Variants in CD163 observed in about 807,000 individuals in gnomAD.
CD163 encodes CD163 molecule, also known as scavenger receptor cysteine-rich type 1 protein M130.
Under a neutral mutation model 129.2 loss-of-function variants are expected in CD163, and 64 were observed. The ratio of observed to expected loss-of-function variants is 0.50; its 90% CI spans 0.41 to 0.61. The LOEUF is 0.61. Ranked by LOEUF, CD163 falls within the 20% of genes least tolerant of loss-of-function variation. CD163 has a pLI of 0.00. For synonymous variants in CD163, 446 were observed against 478.5 expected, an observed-to-expected ratio of 0.93 and a Z score of 0.89; for missense variants, 1,061 against 1,377.9, an observed-to-expected ratio of 0.77 and a Z score of 3.64.
At chr12:7,495,908 A>T (rs1949393101) in intron 5 of CD163, among the ~76,000 whole-genome samples, 1 of 152,186 alleles carries the variant, frequency 6.6e-6, no homozygotes. Context: ...ATTATGGAAG[A>T]CAGTGTGGTG....
In CD163 at chr12:7,496,891, C is replaced by T. The variant is rs561608348; in HGVS notation, c.1021G>A (p.Ala341Thr). Residue 341 changes from alanine (A) to threonine (T), a missense_variant, in exon 5 of 17, where the codon GCT (alanine) becomes ACT (threonine). Transcript: ENST00000432237. The surrounding 1 kb of genome is among the most constrained non-coding windows in gnomAD (Gnocchi z 4.8). ...TCATGGTGTTTACATTGCCAGATAG[C>T]AGGTTCATGTCCCTGGCAAGAAACG... ...DSVSCQGHEPAIWQCKHHEWG... is the reference protein window; with the variant it reads ...DSVSCQGHEPTIWQCKHHEWG... 1.9e-6 allele frequency: 3 copies of T among 1,613,826 alleles called. No individual in the cohort carries two copies. The highest frequency in any genetic ancestry group is 1.1e-5 in the South Asian group (1 of 91,080).
In CD163 at chr12:7,487,030, A is replaced by T; in HGVS notation, c.2051-44T>A. ...TCAGTCATACAAGACACAAAAGGTT[A>T]GGGGAGTCAGATGAAATGTTATATG... is the stretch of plus-strand genomic sequence containing the variant. On this transcript the variant is annotated intron_variant, in intron 8 of 16. Transcript: ENST00000432237. This position sits in a 1 kb window ranked among gnomAD's most constrained non-coding sequence, Gnocchi z 5.1. The T allele has an allele frequency of 2.7e-6, 4 of 1,469,408 alleles. No homozygotes were observed. Among genetic ancestry groups the T allele is most frequent in the Non-Finnish European group, 3.8e-6 (4 of 1,053,246 alleles). The allele number at this position is 1,469,408 out of a possible 1,614,324, so 91.0% of individuals were successfully genotyped here.
At chr12:7,482,491 A>T in intron 14 of CD163, 152 bp downstream of exon 14, 1 of 790,438 alleles carries the variant, frequency 1.3e-6, no homozygotes, top group Non-Finnish European at 2.0e-6. Context: ...AGTGTGAGCC[A>T]CTGTGCCTGG....
chr12:7,475,443 T>A (rs1170698566), intron 16 of CD163, among the ~76,000 whole-genome samples: 1 of 152,168 alleles, frequency 6.6e-6, no homozygotes, highest in East Asian at 1.9e-4. Flanking sequence ...CATATGTAAA[T>A]CAATAAACGT....
Position 7,483,536 on chromosome 12 carries a change from A to G in CD163, c.2919T>C (p.Gly973=). Residue 973 remains glycine, a synonymous_variant, in exon 12 of 17, where the codon GGT becomes GGC. Transcript: ENST00000432237. ...AQVVCQQLGC[G]PALKAFKEAE... ...CTTCTTTGAATGCTTTCAAAGCTGG[A>G]CCACAGCCAAGTTGTTGACACACCA... 1 of 1,613,918 alleles carries G rather than the reference A, an allele frequency of 6.2e-7. No homozygotes were observed. Among genetic ancestry groups the G allele is most frequent in the East Asian group, 2.2e-5 (1 of 44,842 alleles).
chr12:7,483,841 AT>A (rs200359960), intron 11 of CD163, 166 bp from the exon 12 acceptor site: 5,962 of 109,518 alleles, frequency 0.054, 170 homozygotes, highest in East Asian at 0.24. Context: ...ATATATATAT[AT>A]TTTTTTTTTT....
intron 6 of CD163, among the ~76,000 whole-genome samples, chr12:7,489,385 T>C (rs183849008): frequency 1.3e-5 from 2 of 152,238 alleles, no homozygotes; most frequent in Admixed American, 6.5e-5. Flanking sequence ...TATTAATAAA[T>C]TTCAAATATT....
chr12:7,478,817 G>C (rs1226640204), intron 16 of CD163, among the ~76,000 whole-genome samples: 1 of 151,498 alleles, frequency 6.6e-6, no homozygotes, highest in Non-Finnish European at 1.5e-5. Flanking sequence ...ATGAATTATA[G>C]GAATATATAA....
intron 14 of CD163, 89 bp downstream of exon 14, chr12:7,482,554 C>G (rs1942177231): frequency 1.4e-6 from 2 of 1,409,874 alleles, no homozygotes; most frequent in African/African-American, 1.4e-5. Flanking sequence ...GTCCATCTTT[C>G]TGGCCATTAG....
Position 7,476,202 on chromosome 12 carries a change from A to G in CD163, c.*31+3658T>C, listed in dbSNP as rs763355547. 9.2e-5 allele frequency among the ~76,000 whole-genome samples: 14 copies of G among 152,332 alleles called. No individual in the cohort carries two copies. In the East Asian group the frequency reaches 1.7e-3, roughly 19 times the overall value. ...GATTCAATGCTATTCTCATCAAGCT[A>G]CCATCGACTTTCTTTACAGAATTGG... On this transcript the variant is annotated intron_variant, in intron 16 of 16. Transcript: ENST00000432237.
At position 7,487,073 on chromosome 12, in the gene CD163, CATA is replaced by C. The variant is rs1949261787; in HGVS notation, c.2051-90_2051-88del. 7 of 1,057,994 alleles carry C rather than the reference CATA, an allele frequency of 6.6e-6. No individual in the cohort carries two copies. In the East Asian group the frequency reaches 1.7e-4, roughly 26 times the overall value. 65.5% of individuals were successfully genotyped at this position (1,057,994 alleles called of 1,614,324 possible). On this transcript the variant is annotated intron_variant, in intron 8 of 16. Transcript: ENST00000432237. This position sits in a 1 kb window ranked among gnomAD's most constrained non-coding sequence, Gnocchi z 5.1. ...GTTATATGGATGAGTTGAGGACAAA[CATA>C]GCTTAGAGAGAGAGGGGAAGGTGGA...
chr12:7,495,149 T>C lies in CD163; in HGVS notation c.1352A>G (p.Asp451Gly), dbSNP rs1002497540. Residue 451 changes from aspartate (D) to glycine (G), a missense_variant, in exon 6 of 17, where the codon GAC becomes GGC. Asp to Gly is a moderately conservative substitution (Grantham distance 94, BLOSUM62 -1). Transcript: ENST00000432237. Reference sequence around the variant, plus strand: ...TCCACCCCATTGCCAGTTCTTGCAGTCCCAAAGAGAAGTTTCATTTCCGTT... The same window carrying C: ...TCCACCCCATTGCCAGTTCTTGCAGCCCCAAAGAGAAGTTTCATTTCCGTT... ...SCNGNETSLW[D>G]CKNWQWGGLT... 17 of 1,614,174 alleles carry C rather than the reference T, an allele frequency of 1.1e-5. No homozygotes were observed. Among genetic ancestry groups the C allele is most frequent in the Non-Finnish European group, 1.4e-5 (17 of 1,180,010 alleles).
chr12:7,479,749 C>G (rs1949136158), intron 16 of CD163, 111 bp downstream of exon 16: 2 of 1,113,380 alleles, frequency 1.8e-6, no homozygotes, highest in African/African-American at 1.6e-5. Context: ...TGCACATAAG[C>G]AAATAAAATA....
In CD163 at chr12:7,481,155, A is replaced by G. The variant is rs943142296; in HGVS notation, c.3343+6T>C. On this transcript the variant is annotated splice_donor_region_variant and intron_variant, in intron 15 of 16. Coordinates refer to ENST00000432237, the MANE Select transcript of CD163 (RefSeq NM_203416.4). ...TGGGCAATAGACCCTCCAAGAACCC[A>G]CAGACCTGAGGAATTCATTAGGTCC... is the stretch of plus-strand genomic sequence containing the variant. 1.2e-6 allele frequency: 2 copies of G among 1,613,562 alleles called. No individual in the cohort carries two copies. Among genetic ancestry groups the G allele is most frequent in the Non-Finnish European group, 1.7e-6 (2 of 1,179,638 alleles).
intron 16 of CD163, among the ~76,000 whole-genome samples, chr12:7,476,464 C>A (rs1016843986): frequency 1.3e-5 from 2 of 152,178 alleles, no homozygotes; most frequent in Non-Finnish European, 2.9e-5. Flanking sequence ...TTCAACAAAC[C>A]TGCCAAAAAC....
At chr12:7,477,876 C>T (rs1003684386) in intron 16 of CD163, among the ~76,000 whole-genome samples, 29 of 152,154 alleles carry the variant, frequency 1.9e-4, no homozygotes, top group Non-Finnish European at 3.8e-4. Context: ...CATCAGAAAA[C>T]ATTCATATGC....
In CD163 at chr12:7,485,313, G is replaced by A; in HGVS notation, c.2562C>T (p.Ser854=). Residue 854 remains serine, a synonymous_variant, in exon 11 of 17, where the codon AGC becomes AGT. Transcript: ENST00000432237. The surrounding 1 kb of genome is among the most constrained non-coding windows in gnomAD (Gnocchi z 4.5). ...CCACACCCACAGTGGTTTCAGACAT[G>A]CTACTCTTGCCAACAGTGCCCCAAG... ...NGAWGTVGKS[S]MSETTVGVVC... 6.2e-7 allele frequency: 1 copy of A among 1,614,190 alleles called. No individual in the cohort carries two copies. The highest frequency in any genetic ancestry group is 8.5e-7 in the Non-Finnish European group (1 of 1,180,022).
rs1591999630 is a variant in CD163, at chr12:7,485,678, GC to G, written c.2459-263del. 1.3e-5 allele frequency among the ~76,000 whole-genome samples: 2 copies of G among 151,814 alleles called. No individual in the cohort carries two copies. The highest frequency in any genetic ancestry group is 2.9e-5 in the Non-Finnish European group (2 of 67,968). On this transcript the variant is annotated intron_variant, in intron 10 of 16. Coordinates refer to ENST00000432237, the MANE Select transcript of CD163 (RefSeq NM_203416.4). This position sits in a 1 kb window ranked among gnomAD's most constrained non-coding sequence, Gnocchi z 4.5. Reference sequence around the variant, plus strand: ...AGATTACCCTCAATCATTCTAATAGGCTTTTTTCAGTTACATAGTTTGGATT... The same window carrying G: ...AGATTACCCTCAATCATTCTAATAGGTTTTTTCAGTTACATAGTTTGGATT...
chr12:7,474,731 C>G (rs957898687), intron 16 of CD163, among the ~76,000 whole-genome samples: 1 of 151,990 alleles, frequency 6.6e-6, no homozygotes, highest in Non-Finnish European at 1.5e-5. Context: ...AAGATCAGAG[C>G]AAAACCAAAG....
Sources: allele counts gnomAD v4.1 joint callset (sites outside exome capture counted in the v4.1 genomes callset), GRCh38; gene constraint gnomAD v4.1.1; non-coding constraint Gnocchi (gnomAD v3.1); transcripts MANE v1.5; gene names NCBI Gene and HGNC (gene_info 2026-07-23, HGNC 2026-07-21).